Variants in STX8 observed in about 807,000 individuals in gnomAD.
STX8 encodes the protein syntaxin 8, also known as syntaxin-8.
STX8 carries 23 observed loss-of-function variants against 37.5 expected under a neutral mutation model. That is an observed-to-expected ratio of 0.61 (90% confidence interval 0.44 to 0.87). STX8 has a LOEUF of 0.87. STX8 is among the 40% of genes least tolerant of loss of function. The pLI is 0.00. For missense variants in STX8, 313 were observed against 284.7 expected, an observed-to-expected ratio of 1.10 and a Z score of -0.71; for synonymous variants, 115 against 99.1, an observed-to-expected ratio of 1.16 and a Z score of -0.95.
intron 7 of STX8, among the ~76,000 whole-genome samples, chr17:9,296,915 AT>A (rs1378005575): frequency 2.0e-5 from 3 of 152,128 alleles, no homozygotes; most frequent in Admixed American, 6.6e-5. Context: ...TCATCTCATT[AT>A]TTTTTTCAAC....
Position 9,445,840 on chromosome 17 carries a change from C to CTT in STX8, c.541+45987_541+45988dup, listed in dbSNP as rs59109965. On this transcript the variant is annotated intron_variant, in intron 6 of 7. Coordinates refer to ENST00000306357, the MANE Select transcript of STX8 (RefSeq NM_004853.3). ...AATATACATTTTTTTCTTTTTTTCT[C>CTT]TTTTTTTTTTTTTTTGAGACAGAGT... Among the ~76,000 whole-genome samples, 293 of 130,528 alleles carry CTT rather than the reference C, an allele frequency of 2.2e-3. 5 individuals are homozygous for CTT. The highest frequency in any genetic ancestry group is 4.4e-3 in the African/African-American group (152 of 34,422). 85.6% of individuals were successfully genotyped at this position (130,528 alleles called of 152,430 possible). A position where few individuals can be genotyped will look rare whatever the true frequency, so the allele number is the denominator to read the frequency against.
rs537067773 is a variant in STX8, at chr17:9,439,140, C to T, written c.541+52689G>A. Among the ~76,000 whole-genome samples the T allele has an allele frequency of 1.3e-5, 2 of 152,046 alleles. 1 individual carries two copies. The highest frequency in any genetic ancestry group is 4.8e-5 in the African/African-American group (2 of 41,448). ...TGACCTGTACAAAAACGGGATAAAC[C>T]ATAGCTTGCTGATCCTAGCTCTATA... is the stretch of plus-strand genomic sequence containing the variant. On this transcript the variant is annotated intron_variant, in intron 6 of 7. Coordinates refer to ENST00000306357, the MANE Select transcript of STX8 (RefSeq NM_004853.3).
chr17:9,319,696 TAATCC>T (rs1380266092), intron 7 of STX8, among the ~76,000 whole-genome samples: 3 of 151,786 alleles, frequency 2.0e-5, no homozygotes, highest in Admixed American at 2.0e-4. Flanking sequence ...CTCACACCTG[TAATCC>T]CAGCACTTTG....
intron 6 of STX8, among the ~76,000 whole-genome samples, chr17:9,450,236 C>G (rs7208593): frequency 6.6e-6 from 1 of 151,020 alleles, no homozygotes; most frequent in Non-Finnish European, 1.5e-5. Context: ...CCACCACGCC[C>G]GGCTAATTTT....
At chr17:9,559,754 A>ATTTTTTTTT (rs1261471068) in intron 2 of STX8, among the ~76,000 whole-genome samples, 1 of 33,564 alleles carries the variant, frequency 3.0e-5, no homozygotes, top group African/African-American at 1.4e-4. Flanking sequence ...ATATATATAT[A>ATTTTTTTTT]TATATATTTT....
At chr17:9,415,617 A>G (rs1913160544) in intron 6 of STX8, among the ~76,000 whole-genome samples, 1 of 152,064 alleles carries the variant, frequency 6.6e-6, no homozygotes, top group Admixed American at 6.6e-5. Flanking sequence ...AAAATACAAA[A>G]AATTAGCCGG....
chr17:9,316,515 G>C (rs991208876), intron 7 of STX8, among the ~76,000 whole-genome samples: 8 of 152,124 alleles, frequency 5.3e-5, no homozygotes, highest in Non-Finnish European at 1.0e-4. Flanking sequence ...CAAAAGTACA[G>C]GGTTTGGACA....
At chr17:9,462,139 C>A (rs1484909072) in intron 6 of STX8, among the ~76,000 whole-genome samples, 1 of 152,020 alleles carries the variant, frequency 6.6e-6, no homozygotes, top group Admixed American at 6.6e-5. Flanking sequence ...GAGTTGGGGA[C>A]CCCTGGGTTA....
chr17:9,288,492 T>G (rs1230231453), intron 7 of STX8, among the ~76,000 whole-genome samples: 1 of 151,420 alleles, frequency 6.6e-6, no homozygotes, highest in Non-Finnish European at 1.5e-5. Context: ...AAACCCCGTC[T>G]CTACTAAAAT....
At chr17:9,255,557 TATAAATAA>T (rs35589958) in intron 7 of STX8, among the ~76,000 whole-genome samples, 29 of 109,792 alleles carry the variant, frequency 2.6e-4, no homozygotes, top group Admixed American at 9.0e-4. Context: ...TAAATAAATA[TATAAATAA>T]ATAAATAAAT....
At chr17:9,458,371 G>A (rs535987569) in intron 6 of STX8, among the ~76,000 whole-genome samples, 25 of 152,236 alleles carry the variant, frequency 1.6e-4, no homozygotes, top group African/African-American at 2.4e-4. Context: ...GGATGGTGTC[G>A]ATCTCCTGAC....
intron 6 of STX8, among the ~76,000 whole-genome samples, chr17:9,404,731 G>C (rs1912747988): frequency 6.6e-6 from 1 of 152,194 alleles, no homozygotes; most frequent in African/African-American, 2.4e-5. Flanking sequence ...GGGATTACAG[G>C]CGTGAGCCAC....
chr17:9,325,043 T>G (rs1909709907), intron 7 of STX8, among the ~76,000 whole-genome samples: 1 of 152,158 alleles, frequency 6.6e-6, no homozygotes, highest in African/African-American at 2.4e-5. Flanking sequence ...AGCCACATGA[T>G]CATGGGAGTA....
intron 7 of STX8, among the ~76,000 whole-genome samples, chr17:9,289,719 G>A (rs1264605285): frequency 6.6e-6 from 1 of 151,896 alleles, no homozygotes; most frequent in Non-Finnish European, 1.5e-5. Flanking sequence ...GGTGGAGCTT[G>A]CAGTGAGTCG....
In STX8 at chr17:9,561,096, CAAAAT is replaced by C. The variant is rs201783948; in HGVS notation, c.118-3573_118-3569del. On this transcript the variant is annotated intron_variant, in intron 2 of 7. Transcript: ENST00000306357. ...ATTTCAAAGATTTACACACACAAAA[CAAAAT>C]AACAGAAAAAAAGCTTAAGGAAAAT... Among the ~76,000 whole-genome samples the C allele has an allele frequency of 8.3e-4, 126 of 151,640 alleles. 2 individuals are homozygous for C. The East Asian group carries it at 0.018, about 22-fold the overall frequency.
chr17:9,505,593 T>A (rs1904792981), intron 4 of STX8, among the ~76,000 whole-genome samples: 1 of 152,200 alleles, frequency 6.6e-6, no homozygotes, highest in Non-Finnish European at 1.5e-5. Context: ...ATGTTGCGAC[T>A]ACAGATTACA....
At chr17:9,477,017 T>TTTA (rs143962756) in intron 6 of STX8, among the ~76,000 whole-genome samples, 7 of 151,856 alleles carry the variant, frequency 4.6e-5, no homozygotes, top group African/African-American at 1.5e-4. Flanking sequence ...GGCTAATTTT[T>TTTA]TTATTATTAT....
intron 6 of STX8, among the ~76,000 whole-genome samples, chr17:9,407,978 AG>A (rs1161259335): frequency 6.6e-6 from 1 of 152,216 alleles, no homozygotes; most frequent in African/African-American, 2.4e-5. Context: ...TCCCCCCACA[AG>A]GAACAGCTTT....
chr17:9,333,603 A>G (rs1306005089), intron 7 of STX8, among the ~76,000 whole-genome samples: 1 of 152,130 alleles, frequency 6.6e-6, no homozygotes, highest in Non-Finnish European at 1.5e-5. Context: ...GTTAGCCAGG[A>G]TGGTCTGGAT....
Sources: allele counts gnomAD v4.1 joint callset (sites outside exome capture counted in the v4.1 genomes callset), GRCh38; gene constraint gnomAD v4.1.1; transcripts MANE v1.5; gene names NCBI Gene and HGNC (gene_info 2026-07-23, HGNC 2026-07-21).